The following SLC35F4 variants were observed in gnomAD, a reference collection of about 807,000 sequenced individuals.
SLC35F4 encodes chromosome 14 open reading frame 36.
A neutral mutation model predicts 44.2 loss-of-function variants in SLC35F4; 24 were observed. That is an observed-to-expected ratio of 0.54 (90% CI 0.39 to 0.76). SLC35F4 has a LOEUF of 0.76. Ranked by LOEUF, SLC35F4 falls within the 30% of genes least tolerant of loss-of-function variation. The pLI, the probability that SLC35F4 is intolerant of heterozygous loss-of-function variation, is 0.00. For synonymous variants in SLC35F4, 238 were observed against 223.6 expected (o/e 1.06, Z -0.57); for missense variants, 562 against 586.1 (o/e 0.96, Z 0.42).
intron 1 of SLC35F4, among the ~76,000 whole-genome samples, chr14:57,977,750 T>G (rs1881260329): frequency 6.6e-6 from 1 of 152,184 alleles, no homozygotes; most frequent in African/African-American, 2.4e-5. Flanking sequence ...AGTTCATAGA[T>G]GGGTCTGCTC....
At chr14:57,657,253 T>C (rs2073998113) in intron 1 of SLC35F4, among the ~76,000 whole-genome samples, 1 of 152,232 alleles carries the variant, frequency 6.6e-6, no homozygotes, top group Non-Finnish European at 1.5e-5. Flanking sequence ...ACTCCCACTA[T>C]GGTTTTTCAG....
At position 57,564,262 on chromosome 14, in the gene SLC35F4, G is replaced by A; in HGVS notation, c.1331C>T (p.Thr444Ile). The A allele has an allele frequency of 6.2e-7, 1 of 1,613,212 alleles. No homozygotes were observed. The highest frequency in any genetic ancestry group is 1.1e-5 in the South Asian group (1 of 90,868). ...CTTCAGGCTGTTGATGAACCTCAGG[G>A]TGATTTCATCCCATTCCTCAGGCAA... is the stretch of plus-strand genomic sequence containing the variant. ...MLLPEEWDEI[T>I]LRFINSLKEK... The change falls in exon 8 of 8, where the codon ACC becomes ATC. Residue 444 changes from threonine to isoleucine, a missense_variant. By Grantham distance (89) the Thr-to-Ile change is moderately conservative. Transcript: ENST00000556826.
chr14:57,887,070 C>G (rs1888665876), intron 1 of SLC35F4, among the ~76,000 whole-genome samples: 1 of 152,122 alleles, frequency 6.6e-6, no homozygotes, highest in African/African-American at 2.4e-5. Flanking sequence ...GCACAGAGGC[C>G]TTCAGTTAAG....
intron 1 of SLC35F4, among the ~76,000 whole-genome samples, chr14:57,887,169 G>A (rs901141465): frequency 1.3e-5 from 2 of 152,158 alleles, no homozygotes; most frequent in East Asian, 3.9e-4. Context: ...TACATGAAGG[G>A]AGGCCCACAG....
At chr14:57,938,087 T>C (rs17093969) in intron 1 of SLC35F4, among the ~76,000 whole-genome samples, 10,001 of 152,078 alleles carry the variant, frequency 0.066, 471 homozygotes, top group African/African-American at 0.13. Context: ...ATATAGAAGA[T>C]TGCCCAATAT....
At chr14:57,932,951 C>G (rs1410750763) in intron 1 of SLC35F4, among the ~76,000 whole-genome samples, 1 of 152,096 alleles carries the variant, frequency 6.6e-6, no homozygotes, top group Non-Finnish European at 1.5e-5. Context: ...GATTTGAAAA[C>G]TCCACTACCA....
At chr14:57,878,212 C>A (rs1888443397) in intron 1 of SLC35F4, among the ~76,000 whole-genome samples, 1 of 152,054 alleles carries the variant, frequency 6.6e-6, no homozygotes. Context: ...GATATTAGAC[C>A]TTTGTTGGAT....
chr14:57,793,195 C>G (rs1432195437), intron 1 of SLC35F4, among the ~76,000 whole-genome samples: 1 of 151,978 alleles, frequency 6.6e-6, no homozygotes, highest in African/African-American at 2.4e-5. Flanking sequence ...AGGGGTGAAT[C>G]TGAGAAAAAT....
At chr14:57,824,410 T>C (rs540781055) in intron 1 of SLC35F4, among the ~76,000 whole-genome samples, 1 of 152,242 alleles carries the variant, frequency 6.6e-6, no homozygotes, top group East Asian at 1.9e-4. Flanking sequence ...AGGTAGAAGA[T>C]AGATAGATAG....
At chr14:57,849,152 A>G (rs974086793) in intron 1 of SLC35F4, among the ~76,000 whole-genome samples, 11 of 152,092 alleles carry the variant, frequency 7.2e-5, no homozygotes, top group African/African-American at 2.4e-4. Flanking sequence ...ATAAAAAAGA[A>G]TCACAACATA....
At chr14:57,981,139 G>A (rs111248752) in intron 1 of SLC35F4, among the ~76,000 whole-genome samples, 36 of 152,278 alleles carry the variant, frequency 2.4e-4, no homozygotes, top group African/African-American at 6.5e-4. Context: ...GAACACCAGC[G>A]ACACCTTGTA....
chr14:57,647,834 G>A lies in SLC35F4; in HGVS notation c.104-53710C>T, dbSNP rs78729873. ...CTTCATCCTCTACCATCCCCCAGGC[G>A]ATGTCTGATCACCCCGGCCTGTCCT... On this transcript the variant is annotated intron_variant, in intron 1 of 7. Transcript: ENST00000556826. 5.1e-3 allele frequency among the ~76,000 whole-genome samples: 780 copies of A among 152,090 alleles called. 8 individuals carry two copies. Among genetic ancestry groups the A allele is most frequent in the African/African-American group, 0.018 (742 of 41,484 alleles).
downstream of SLC35F4, among the ~76,000 whole-genome samples, chr14:57,974,913 A>G (rs541342891): frequency 6.6e-6 from 1 of 152,326 alleles, no homozygotes; most frequent in South Asian, 2.1e-4. Flanking sequence ...CTAGCTAGGC[A>G]TCAAAATCTA....
chr14:57,841,438 A>T (rs1183265807), intron 1 of SLC35F4, among the ~76,000 whole-genome samples: 1 of 152,200 alleles, frequency 6.6e-6, no homozygotes, highest in Non-Finnish European at 1.5e-5. Context: ...GTTAAGTGGA[A>T]ATCCAACTTT....
At position 57,647,542 on chromosome 14, in the gene SLC35F4, A is replaced by G. The variant is rs145248578; in HGVS notation, c.104-53418T>C. On this transcript the variant is annotated intron_variant, in intron 1 of 7. Transcript: ENST00000556826. ...TAATTCCTGGTGGCATTACTGGACA[A>G]CTTCAACCCCTTAATGTTTCAGTCC... 3.2e-3 allele frequency among the ~76,000 whole-genome samples: 488 copies of G among 152,222 alleles called. 3 individuals carry two copies. Among genetic ancestry groups the G allele is most frequent in the African/African-American group, 0.011 (467 of 41,562 alleles).
At chr14:57,774,901 G>C (rs964000661) in intron 1 of SLC35F4, among the ~76,000 whole-genome samples, 2 of 152,082 alleles carry the variant, frequency 1.3e-5, no homozygotes, top group Admixed American at 6.5e-5. Context: ...TGTGCACCAC[G>C]ACAAGCCACT....
At position 57,821,120 on chromosome 14, in the gene SLC35F4, T is replaced by C. The variant is rs550426881; in HGVS notation, c.103+44603A>G. On this transcript the variant is annotated intron_variant, in intron 1 of 7. Coordinates refer to ENST00000556826, the MANE Select transcript of SLC35F4 (RefSeq NM_001306087.2). Reference sequence around the variant, plus strand: ...TGTCATTGTCGTGTTTTCCTCCTTATAACAAGCCAAAGGCAAAAACAATGC... The same window carrying C: ...TGTCATTGTCGTGTTTTCCTCCTTACAACAAGCCAAAGGCAAAAACAATGC... Among the ~76,000 whole-genome samples the C allele has an allele frequency of 2.0e-5, 3 of 152,348 alleles. 1 individual carries two copies. In the South Asian group the frequency reaches 6.2e-4, roughly 32 times the overall value.
chr14:57,944,742 AG>A, intron 1 of SLC35F4, among the ~76,000 whole-genome samples: 1 of 149,376 alleles, frequency 6.7e-6, no homozygotes, highest in Admixed American at 6.6e-5. Context: ...AAAGAAAGAA[AG>A]AAAGAAAGAA....
intron 1 of SLC35F4, among the ~76,000 whole-genome samples, chr14:57,651,017 T>C (rs1376028390): frequency 1.3e-5 from 2 of 152,178 alleles, no homozygotes; most frequent in Non-Finnish European, 2.9e-5. Flanking sequence ...TTATACTCCA[T>C]AACATTACTC....
Sources: allele counts gnomAD v4.1 joint callset (sites outside exome capture counted in the v4.1 genomes callset), GRCh38; gene constraint gnomAD v4.1.1; transcripts MANE v1.5; gene names NCBI Gene and HGNC (gene_info 2026-07-23, HGNC 2026-07-21).